PRKG1: variants seen among roughly 807,000 people sequenced by gnomAD.
The protein encoded by PRKG1 is cGMP-dependent protein kinase 1.
PRKG1 carries 35 observed loss-of-function variants against 88.1 expected under a neutral mutation model. The observed-to-expected ratio is 0.40, with a 90% CI of 0.30 to 0.53. The LOEUF (loss-of-function observed/expected upper bound fraction) is 0.53. PRKG1 is among the 20% of genes least tolerant of loss of function. PRKG1 has a pLI of 0.59. For missense variants in PRKG1, 540 were observed against 839.8 expected, an observed-to-expected ratio of 0.64 and a Z score of 4.41; for synonymous variants, 303 against 292.5, an observed-to-expected ratio of 1.04 and a Z score of -0.37.
rs1429195032 is a variant in PRKG1 at position 51,034,678 on chromosome 10, A to T, written c.266+43034A>T. On this transcript the variant is annotated intron_variant, in intron 1 of 17. Transcript: ENST00000401604. The stretch of plus-strand genomic sequence containing the variant: ...TATATAATATGTTATTTATATATAT[A>T]TATATATATATATATATATATATAT... 7.3e-4 allele frequency among the ~76,000 whole-genome samples: 88 copies of T among 120,660 alleles called. 1 individual carries two copies. Among genetic ancestry groups the T allele is most frequent in the African/African-American group, 2.7e-3 (82 of 30,228 alleles). The allele number at this position is 120,660 out of a possible 152,430, so 79.2% of individuals were successfully genotyped here.
chr10:51,506,607 A>G (rs975416650), intron 3 of PRKG1, among the ~76,000 whole-genome samples: 2 of 152,214 alleles, frequency 1.3e-5, no homozygotes, highest in Non-Finnish European at 2.9e-5. Context: ...GTGAGATACC[A>G]TCTCACACCA....
intron 1 of PRKG1, among the ~76,000 whole-genome samples, chr10:51,088,806 T>A (rs1320216813): frequency 7.7e-6 from 1 of 129,162 alleles, no homozygotes; most frequent in East Asian, 2.2e-4. Flanking sequence ...ATATTTAATA[T>A]GATTTTTTTT....
At chr10:51,051,668 T>G (rs1222086351) in intron 1 of PRKG1, among the ~76,000 whole-genome samples, 7 of 152,172 alleles carry the variant, frequency 4.6e-5, no homozygotes, top group Non-Finnish European at 5.9e-5. Flanking sequence ...TGTTCATGGT[T>G]TTATTAGGCT....
intron 1 of PRKG1, among the ~76,000 whole-genome samples, chr10:51,010,423 C>G (rs1272746675): frequency 1.3e-5 from 2 of 152,142 alleles, no homozygotes; most frequent in Non-Finnish European, 2.9e-5. Flanking sequence ...CTTTTCATAC[C>G]AGATATTTCC....
chr10:51,608,414 C>T (rs545473679), intron 3 of PRKG1, among the ~76,000 whole-genome samples: 51 of 152,196 alleles, frequency 3.4e-4, no homozygotes, highest in Non-Finnish European at 6.9e-4. Flanking sequence ...AGTCATGGGA[C>T]AGGGAGTTGA....
rs148205333 is a variant in PRKG1, at chr10:52,135,110, C to CA, written c.1001+1213dup. Among the ~76,000 whole-genome samples the CA allele has an allele frequency of 9.8e-3, 1,476 of 150,366 alleles. 30 individuals carry two copies. Among genetic ancestry groups the CA allele is most frequent in the African/African-American group, 0.033 (1,363 of 41,004 alleles). On this transcript the variant is annotated intron_variant, in intron 8 of 17. Coordinates refer to ENST00000373980, the MANE Select transcript of PRKG1 (RefSeq NM_006258.4). ...ATACAAAAATAACCATGATACAAGGCAAAAAAAATGAGTTCAGAATAAAAT... is the reference window on the plus strand; with the variant it reads ...ATACAAAAATAACCATGATACAAGGCAAAAAAAAATGAGTTCAGAATAAAAT...
upstream of PRKG1, among the ~76,000 whole-genome samples, chr10:51,072,259 C>CCA (rs1843843144): frequency 6.6e-6 from 1 of 152,068 alleles, no homozygotes; most frequent in Non-Finnish European, 1.5e-5. Context: ...CTGAACCCAG[C>CCA]TTAGCAGTTG....
At chr10:51,095,424 G>A (rs1844504274) in intron 1 of PRKG1, among the ~76,000 whole-genome samples, 1 of 152,078 alleles carries the variant, frequency 6.6e-6, no homozygotes, top group Admixed American at 6.6e-5. Flanking sequence ...TCAAGCGGGG[G>A]ACTTTATTTA....
At chr10:51,486,817 C>T (rs1840556662) in intron 3 of PRKG1, among the ~76,000 whole-genome samples, 1 of 152,102 alleles carries the variant, frequency 6.6e-6, no homozygotes, top group African/African-American at 2.4e-5. Context: ...CCTTCTAAAT[C>T]ATTTAACTCA....
At chr10:51,208,980 G>A (rs981237793) in intron 2 of PRKG1, among the ~76,000 whole-genome samples, 3 of 152,142 alleles carry the variant, frequency 2.0e-5, no homozygotes, top group Non-Finnish European at 2.9e-5. Context: ...ACACTGCAGA[G>A]TTTACTAGGT....
intron 3 of PRKG1, among the ~76,000 whole-genome samples, chr10:51,756,131 A>C (rs1027161421): frequency 6.6e-6 from 1 of 152,216 alleles, no homozygotes; most frequent in Non-Finnish European, 1.5e-5. Context: ...AGAAAGTATA[A>C]AATAGGGTCT....
intron 3 of PRKG1, among the ~76,000 whole-genome samples, chr10:51,522,952 T>A (rs1257645680): frequency 6.6e-6 from 1 of 152,234 alleles, no homozygotes; most frequent in Non-Finnish European, 1.5e-5. Flanking sequence ...CCTTACAGTC[T>A]TATTTAAGTG....
At chr10:52,125,149 A>G (rs776834770) in intron 7 of PRKG1, among the ~76,000 whole-genome samples, 1 of 152,226 alleles carries the variant, frequency 6.6e-6, no homozygotes, top group Non-Finnish European at 1.5e-5. Flanking sequence ...TGCAAGGTAC[A>G]TAATCATATG....
chr10:51,807,938 G>C lies in PRKG1; in HGVS notation c.698+3248G>C, dbSNP rs913109267. 3.3e-5 allele frequency among the ~76,000 whole-genome samples: 5 copies of C among 152,076 alleles called. No homozygotes were observed. In the East Asian group the frequency reaches 9.6e-4, roughly 29 times the overall value. The stretch of plus-strand genomic sequence containing the variant: ...AAGGTCAGAAAGAAAGGTGTTCTGA[G>C]GCCTTCCCTTCAGGGTGTGTTTTTC... On this transcript the variant is annotated intron_variant, in intron 4 of 17. Transcript: ENST00000373980.
At chr10:51,371,536 C>T (rs1236311801) in intron 2 of PRKG1, among the ~76,000 whole-genome samples, 1 of 152,206 alleles carries the variant, frequency 6.6e-6, no homozygotes, top group Admixed American at 6.5e-5. Context: ...TGTAGTTATA[C>T]ACCCTGGCAC....
At chr10:52,057,591 G>C (rs1401010113) in intron 6 of PRKG1, among the ~76,000 whole-genome samples, 1 of 152,160 alleles carries the variant, frequency 6.6e-6, no homozygotes, top group Non-Finnish European at 1.5e-5. Context: ...CAAAGTTGCA[G>C]AGTTCTAATA....
At chr10:51,432,690 GTT>G (rs1838805306) in intron 2 of PRKG1, among the ~76,000 whole-genome samples, 1 of 150,584 alleles carries the variant, frequency 6.6e-6, no homozygotes, top group Admixed American at 6.6e-5. Flanking sequence ...TCTGCTTATA[GTT>G]TTACGTCTAT....
At chr10:51,272,379 A>G (rs1273996906) in intron 2 of PRKG1, among the ~76,000 whole-genome samples, 6 of 152,014 alleles carry the variant, frequency 3.9e-5, no homozygotes, top group Non-Finnish European at 1.5e-5. Context: ...TAGGGGAGGG[A>G]TAGCATTAGG....
At chr10:52,194,436 T>C (rs1381977457) in intron 9 of PRKG1, among the ~76,000 whole-genome samples, 1 of 152,104 alleles carries the variant, frequency 6.6e-6, no homozygotes, top group Non-Finnish European at 1.5e-5. Flanking sequence ...TATTCAAAGA[T>C]AAAAATGATC....
Sources: gnomAD v4.1 joint callset for allele counts (sites outside exome capture counted in the v4.1 genomes callset) on GRCh38, gnomAD v4.1.1 for gene constraint, MANE v1.5 for transcripts, NCBI Gene and HGNC (gene_info 2026-07-23, HGNC 2026-07-21) for gene names.